Variants in ZPBP observed in about 807,000 individuals in gnomAD.
ZPBP encodes zona pellucida-binding protein 1.
ZPBP carries 26 observed loss-of-function variants against 44.8 expected under a neutral mutation model. The ratio of observed to expected loss-of-function variants is 0.58; its 90% CI spans 0.43 to 0.81. The LOEUF (loss-of-function observed/expected upper bound fraction) is 0.81. Ranked by LOEUF, ZPBP falls within the 30% of genes least tolerant of loss-of-function variation. The pLI, the probability that ZPBP is intolerant of heterozygous loss-of-function variation, is 0.00. For missense variants in ZPBP, 409 were observed against 434.0 expected, an observed-to-expected ratio of 0.94 and a Z score of 0.51; for synonymous variants, 174 against 153.2, an observed-to-expected ratio of 1.14 and a Z score of -1.00.
At chr7:50,041,458 A>C (rs1430531951) in intron 4 of ZPBP, among the ~76,000 whole-genome samples, 1 of 152,208 alleles carries the variant, frequency 6.6e-6, no homozygotes, top group Non-Finnish European at 1.5e-5. Context: ...TTCCAGAGGA[A>C]GGAACAGGCA....
intron 2 of ZPBP, among the ~76,000 whole-genome samples, chr7:49,884,680 G>A (rs542690560): frequency 6.6e-6 from 1 of 152,142 alleles, no homozygotes; most frequent in Non-Finnish European, 1.5e-5. Flanking sequence ...AGGACCTGCT[G>A]CCTGACTGTG....
At chr7:49,920,159 C>A (rs981170312) in intron 1 of ZPBP, 1 of 151,542 alleles carries the variant, frequency 6.6e-6, no homozygotes, top group Non-Finnish European at 1.5e-5. Flanking sequence ...TGGAACAGAG[C>A]AATATAGAGC....
At chr7:50,068,918 T>C (rs191903121) in intron 3 of ZPBP, among the ~76,000 whole-genome samples, 49 of 152,356 alleles carry the variant, frequency 3.2e-4, no homozygotes, top group Non-Finnish European at 6.9e-4. Context: ...GATTTTTATA[T>C]TGGTTGCCTT....
At chr7:49,990,931 A>C (rs771365789) in intron 6 of ZPBP, among the ~76,000 whole-genome samples, 3 of 152,188 alleles carry the variant, frequency 2.0e-5, no homozygotes, top group Non-Finnish European at 4.4e-5. Flanking sequence ...TGGGTGTTTT[A>C]GGATAGGCAA....
rs761959895 is a variant in ZPBP, at chr7:50,081,818, T to G, written c.290A>C (p.Asp97Ala). The part of the protein sequence containing the change: ...TQQLRNAELI[D>A]PSFQWYGPKG... ...AGGCCCATACCATTGGAATGATGGG[T>G]CTATCAGTTCAGCATTTCGCAGTTG... Residue 97 changes from aspartate (D) to alanine (A), a missense_variant, in exon 3 of 8, where the codon GAC (aspartate) becomes GCC (alanine). Asp to Ala is a moderately radical substitution (Grantham distance 126, BLOSUM62 -2). Around this residue, in one of 2 missense-constraint regions of ZPBP, gnomAD observed 367 missense variants for 363.1 expected, o/e 1.01. Coordinates refer to ENST00000046087, the MANE Select transcript of ZPBP (RefSeq NM_007009.3). 5.4e-5 allele frequency: 87 copies of G among 1,611,528 alleles called. No individual in the cohort carries two copies. In the Middle Eastern group the frequency reaches 1.2e-3, roughly 21 times the overall value.
At chr7:50,038,336 T>G (rs1381070691) in intron 4 of ZPBP, among the ~76,000 whole-genome samples, 1 of 152,210 alleles carries the variant, frequency 6.6e-6, no homozygotes. Context: ...ATTCATAGAT[T>G]CACTGGCGTT....
chr7:49,885,140 A>G (rs691458), intron 2 of ZPBP, among the ~76,000 whole-genome samples: 117,149 of 151,950 alleles, frequency 0.77, 45,451 homozygotes, highest in East Asian at 0.88. Flanking sequence ...TAAAGGAGAA[A>G]CAGAAAAATA....
intron 4 of ZPBP, among the ~76,000 whole-genome samples, chr7:50,034,951 G>A (rs926230112): frequency 2.6e-5 from 4 of 152,184 alleles, no homozygotes; most frequent in African/African-American, 9.6e-5. Context: ...GGTTAAAGAC[G>A]CTGAAAATGG....
intron 7 of ZPBP, among the ~76,000 whole-genome samples, chr7:49,959,560 A>G (rs1286297341): frequency 1.3e-5 from 2 of 152,190 alleles, no homozygotes; most frequent in Non-Finnish European, 2.9e-5. Context: ...GAGATTTGCT[A>G]GAAATCTGAA....
At chr7:50,027,956 G>A (rs144896141) in intron 5 of ZPBP, among the ~76,000 whole-genome samples, 1,945 of 151,784 alleles carry the variant, frequency 0.013, 36 homozygotes, top group African/African-American at 0.044. Flanking sequence ...AGAACCCAAA[G>A]GCCTCAGTGA....
chr7:49,895,377 A>C (rs888852960), intron 2 of ZPBP, among the ~76,000 whole-genome samples: 3 of 152,216 alleles, frequency 2.0e-5, no homozygotes, highest in Non-Finnish European at 4.4e-5. Flanking sequence ...GGGGGACACC[A>C]ATATTCAGAT....
intron 4 of ZPBP, among the ~76,000 whole-genome samples, chr7:50,042,884 T>C (rs1328603146): frequency 1.3e-5 from 2 of 151,840 alleles, no homozygotes; most frequent in South Asian, 4.2e-4. Context: ...AAATTGGAGA[T>C]TCAAGACCCA....
intron 7 of ZPBP, among the ~76,000 whole-genome samples, chr7:49,938,171 A>G (rs1444077084): frequency 6.6e-6 from 1 of 152,232 alleles, no homozygotes; most frequent in Non-Finnish European, 1.5e-5. Flanking sequence ...AGAGGTCAAC[A>G]CTACAGGAAG....
At chr7:50,031,858 T>A (rs111475486) in intron 4 of ZPBP, among the ~76,000 whole-genome samples, 66 of 151,706 alleles carry the variant, frequency 4.4e-4, no homozygotes, top group African/African-American at 1.4e-3. Flanking sequence ...ATATATATAT[T>A]TTGCCCATCC....
chr7:49,871,190 A>G (rs945019902), intron 2 of ZPBP, among the ~76,000 whole-genome samples: 1 of 152,190 alleles, frequency 6.6e-6, no homozygotes, highest in African/African-American at 2.4e-5. Flanking sequence ...ATAAAAACGA[A>G]TAATAATATC....
At chr7:50,009,555 G>C (rs751783865) in intron 6 of ZPBP, among the ~76,000 whole-genome samples, 1 of 151,828 alleles carries the variant, frequency 6.6e-6, no homozygotes, top group African/African-American at 2.4e-5. Context: ...CTCTAGGGCT[G>C]GTGGGTATTA....
chr7:49,953,635 A>C (rs560404643), intron 7 of ZPBP, among the ~76,000 whole-genome samples: 1 of 152,122 alleles, frequency 6.6e-6, no homozygotes, highest in East Asian at 1.9e-4. Context: ...GGAACATCAA[A>C]ATATCCAGCA....
chr7:49,963,331 T>TTAA (rs1207188527), intron 7 of ZPBP, among the ~76,000 whole-genome samples: 3 of 151,786 alleles, frequency 2.0e-5, no homozygotes, highest in Non-Finnish European at 4.4e-5. Flanking sequence ...GGGGGTTTCT[T>TTAA]ACAATTTTAA....
intron 3 of ZPBP, among the ~76,000 whole-genome samples, chr7:50,075,785 C>A (rs1802047282): frequency 6.6e-6 from 1 of 151,842 alleles, no homozygotes; most frequent in Non-Finnish European, 1.5e-5. Flanking sequence ...AAGAAAAGCC[C>A]AGGACTCAAT....
Sources: allele counts gnomAD v4.1 joint callset (sites outside exome capture counted in the v4.1 genomes callset), GRCh38; gene constraint gnomAD v4.1.1; regional missense constraint gnomAD v4.1.1; transcripts MANE v1.5; gene names NCBI Gene and HGNC (gene_info 2026-07-23, HGNC 2026-07-21).